DUSP8: variants seen among roughly 807,000 people sequenced by gnomAD.
DUSP8 encodes dual specificity protein phosphatase 8.
DUSP8 carries 15 observed loss-of-function variants against 38.7 expected under a neutral mutation model. That is an observed-to-expected ratio of 0.39 (90% CI 0.26 to 0.60). The LOEUF is 0.60. Among genes scored for constraint, DUSP8 ranks in the 20% least tolerant of loss-of-function variants. DUSP8 has a pLI of 0.56. For synonymous variants in DUSP8, 458 were observed against 433.9 expected, an observed-to-expected ratio of 1.06 and a Z score of -0.69; for missense variants, 768 against 915.0, an observed-to-expected ratio of 0.84 and a Z score of 2.07.
At position 1,556,284 on chromosome 11, in the gene DUSP8, T is replaced by G; in HGVS notation, c.*234A>C. Reference sequence around the variant, plus strand: ...CTTGCGACTGAAGGTGGCCTCGTATTGCTTAGAAACGTATGTTTCAGTTTA... The same window carrying G: ...CTTGCGACTGAAGGTGGCCTCGTATGGCTTAGAAACGTATGTTTCAGTTTA... On this transcript the variant is annotated 3_prime_UTR_variant, in exon 7 of 7. Coordinates refer to ENST00000397374, the MANE Select transcript of DUSP8 (RefSeq NM_004420.3). This position sits in a 1 kb window ranked among gnomAD's most constrained non-coding sequence, Gnocchi z 5.2. The G allele has an allele frequency of 1.9e-6, 1 of 528,560 alleles. No homozygotes were observed. Among genetic ancestry groups the G allele is most frequent in the Non-Finnish European group, 2.8e-6 (1 of 354,166 alleles). The allele number at this position is 528,560 out of a possible 1,614,324, so 32.7% of individuals were successfully genotyped here.
At chr11:1,561,245 G>A (rs1848712467) in intron 3 of DUSP8, among the ~76,000 whole-genome samples, 1 of 152,292 alleles carries the variant, frequency 6.6e-6, no homozygotes, top group Non-Finnish European at 1.5e-5. Flanking sequence ...CTGACTCGGG[G>A]GTTTCTGGGG....
upstream of DUSP8, among the ~76,000 whole-genome samples, chr11:1,572,579 C>T (rs1848925330): frequency 1.3e-5 from 2 of 151,570 alleles, no homozygotes; most frequent in African/African-American, 4.9e-5. This position sits in a 1 kb window ranked among gnomAD's most constrained non-coding sequence, Gnocchi z 4.7. Flanking sequence ...TCACCCAGGC[C>T]CCCCGTCACC....
Position 1,557,865 on chromosome 11 carries a change from G to T in DUSP8, c.750C>A (p.Ile250=). 1 of 1,614,016 alleles carries T rather than the reference G, an allele frequency of 6.2e-7. No homozygotes were observed. Among genetic ancestry groups the T allele is most frequent in the South Asian group, 1.1e-5 (1 of 91,078 alleles). ...CGATGGCGATGGTGGCAGAGCGGGA[G>T]ATGCCAGCCAGACAGTGGACGATGA... ...CQVIVHCLAG[I]SRSATIAIAY... is the part of the protein sequence containing the mutation. The change falls in exon 6 of 7, where the codon ATC becomes ATA. Residue 250 remains isoleucine (I), a synonymous_variant. Transcript: ENST00000397374. The surrounding 1 kb of genome is among the most constrained non-coding windows in gnomAD (Gnocchi z 9.9).
At chr11:1,562,473 C>G (rs757272020) in intron 3 of DUSP8, among the ~76,000 whole-genome samples, 1 of 152,170 alleles carries the variant, frequency 6.6e-6, no homozygotes, top group Non-Finnish European at 1.5e-5. Flanking sequence ...GATCAGAGTG[C>G]GTCATTCTGT....
intron 3 of DUSP8, among the ~76,000 whole-genome samples, chr11:1,560,745 CG>C (rs2133436952): frequency 6.6e-6 from 1 of 152,314 alleles, no homozygotes; most frequent in African/African-American, 2.4e-5. Context: ...AGGACAGCCC[CG>C]GGGAGGCGGA....
At chr11:1,570,769 G>A (rs1848876076) in intron 1 of DUSP8, among the ~76,000 whole-genome samples, 1 of 152,152 alleles carries the variant, frequency 6.6e-6, no homozygotes, top group Non-Finnish European at 1.5e-5. Context: ...TGTCCTCCTG[G>A]TGGAGGGCTG....
Position 1,558,506 on chromosome 11 carries a change from C to T in DUSP8, c.538-235G>A, listed in dbSNP as rs1185511711. Among the ~76,000 whole-genome samples the T allele has an allele frequency of 7.2e-5, 11 of 152,146 alleles. No individual in the cohort carries two copies. The highest frequency in any genetic ancestry group is 1.6e-4 in the Non-Finnish European group (11 of 68,002). On this transcript the variant is annotated intron_variant, in intron 4 of 6. Transcript: ENST00000397374. This position sits in a 1 kb window ranked among gnomAD's most constrained non-coding sequence, Gnocchi z 6.3. ...GGCTGGCCTCCGACTGCAGGCCCCA[C>T]CCACGGCTGGTGGTGGGCTCCTAGG...
chr11:1,572,020 G>A lies in DUSP8; in HGVS notation c.-228C>T, dbSNP rs973734123. 1 of 145,534 alleles carries A rather than the reference G, an allele frequency of 6.9e-6. No homozygotes were observed. Among genetic ancestry groups the A allele is most frequent in the African/African-American group, 2.5e-5 (1 of 40,652 alleles). The allele number at this position is 145,534 out of a possible 1,614,324, so 9.0% of individuals were successfully genotyped here. A position where few individuals can be genotyped will look rare whatever the true frequency, so the allele number is the denominator to read the frequency against. On this transcript the variant is annotated 5_prime_UTR_variant, in exon 1 of 7. Coordinates refer to ENST00000397374, the MANE Select transcript of DUSP8 (RefSeq NM_004420.3). The surrounding 1 kb of genome is among the most constrained non-coding windows in gnomAD (Gnocchi z 4.7). The stretch of plus-strand genomic sequence containing the variant: ...CGCAGCCGGGGCAGGGGCCGGGGGA[G>A]CGCGCGGGCCGCGTCGCCGTCGCCG...
chr11:1,563,779 T>TGCACCA (rs1848757528), intron 3 of DUSP8, 72 bp downstream of exon 3: 1 of 1,406,850 alleles, frequency 7.1e-7, no homozygotes, highest in Non-Finnish European at 9.3e-7. Flanking sequence ...ACCTCCCTGA[T>TGCACCA]GCCCCAGCCC....
intron 1 of DUSP8, among the ~76,000 whole-genome samples, chr11:1,566,672 A>G (rs1284208471): frequency 6.6e-6 from 1 of 151,990 alleles, no homozygotes; most frequent in African/African-American, 2.4e-5. Flanking sequence ...GGCGTGTTGC[A>G]CCCACACAGT....
chr11:1,563,826 G>A (rs752027810), intron 3 of DUSP8, 25 bp downstream of exon 3: 21 of 1,452,500 alleles, frequency 1.4e-5, no homozygotes, highest in African/African-American at 1.0e-4. Context: ...CAAGTGCCTC[G>A]GGGAGGCGTG....
At chr11:1,562,278 G>A (rs1009665041) in intron 3 of DUSP8, among the ~76,000 whole-genome samples, 2 of 152,160 alleles carry the variant, frequency 1.3e-5, no homozygotes, top group Admixed American at 1.3e-4. Context: ...AGGTAGGGAG[G>A]TGCCACTCTG....
At position 1,557,951 on chromosome 11, in the gene DUSP8, C is replaced by T; in HGVS notation, c.698-34G>A. 6.2e-7 allele frequency: 1 copy of T among 1,613,402 alleles called. No individual in the cohort carries two copies. The highest frequency in any genetic ancestry group is 8.5e-7 in the Non-Finnish European group (1 of 1,179,882). On this transcript the variant is annotated intron_variant, in intron 5 of 6. Coordinates refer to ENST00000397374, the MANE Select transcript of DUSP8 (RefSeq NM_004420.3). This position sits in a 1 kb window ranked among gnomAD's most constrained non-coding sequence, Gnocchi z 9.9. ...GTGGGCCATGGGGGCCAGGTGAGGGCTAAGACTGCACAGCTTCTCCCTGGC... is the reference window on the plus strand; with the variant it reads ...GTGGGCCATGGGGGCCAGGTGAGGGTTAAGACTGCACAGCTTCTCCCTGGC...
At position 1,569,091 on chromosome 11, in the gene DUSP8, T is replaced by C. The variant is rs544748227; in HGVS notation, c.-109+2810A>G. On this transcript the variant is annotated intron_variant, in intron 1 of 6. Coordinates refer to ENST00000397374, the MANE Select transcript of DUSP8 (RefSeq NM_004420.3). Reference sequence around the variant, plus strand: ...GTGGATGGTGTTGGTTCCATGCCTCTCCTTTCACGGCCCCACATGCCAAGC... The same window carrying C: ...GTGGATGGTGTTGGTTCCATGCCTCCCCTTTCACGGCCCCACATGCCAAGC... Among the ~76,000 whole-genome samples the C allele has an allele frequency of 4.6e-5, 7 of 152,254 alleles. No individual in the cohort carries two copies. In the East Asian group the frequency reaches 1.2e-3, roughly 25 times the overall value.
At chr11:1,562,908 G>C (rs774250869) in intron 3 of DUSP8, among the ~76,000 whole-genome samples, 1 of 152,146 alleles carries the variant, frequency 6.6e-6, no homozygotes, top group South Asian at 2.1e-4. Flanking sequence ...AGCCTCCCAG[G>C]TGCCCTTTAG....
At chr11:1,568,343 G>A (rs1848836776) in intron 1 of DUSP8, among the ~76,000 whole-genome samples, 1 of 151,218 alleles carries the variant, frequency 6.6e-6, no homozygotes, top group Admixed American at 6.6e-5. Context: ...GAGGGAGGAG[G>A]GCAAGTCCAG....
chr11:1,566,766 G>T (rs1848811300), intron 1 of DUSP8, among the ~76,000 whole-genome samples: 1 of 152,170 alleles, frequency 6.6e-6, no homozygotes, highest in Non-Finnish European at 1.5e-5. Flanking sequence ...GGGCAGCCCT[G>T]GGAGGAGGGT....
intron 3 of DUSP8, chr11:1,559,397 G>GC: frequency 2.8e-6 from 1 of 355,488 alleles, no homozygotes; most frequent in Non-Finnish European, 5.1e-6. Context: ...GCAGGGGTGG[G>GC]CTCAGAGGCC....
At chr11:1,562,178 G>C (rs1848726618) in intron 3 of DUSP8, among the ~76,000 whole-genome samples, 1 of 152,186 alleles carries the variant, frequency 6.6e-6, no homozygotes, top group Non-Finnish European at 1.5e-5. Flanking sequence ...ACCAGTGCTG[G>C]GTGAGGGCCC....
Sources: gnomAD v4.1 joint callset for allele counts (sites outside exome capture counted in the v4.1 genomes callset) on GRCh38, gnomAD v4.1.1 for gene constraint, Gnocchi (gnomAD v3.1) non-coding constraint, MANE v1.5 for transcripts, NCBI Gene and HGNC (gene_info 2026-07-23, HGNC 2026-07-21) for gene names.